VWC2L: variants seen among roughly 807,000 people sequenced by gnomAD.
The protein encoded by VWC2L is von Willebrand factor C domain-containing protein 2-like.
VWC2L carries 10 observed loss-of-function variants against 21.6 expected under a neutral mutation model. The ratio of observed to expected loss-of-function variants is 0.46; its 90% CI spans 0.29 to 0.78. The LOEUF (loss-of-function observed/expected upper bound fraction) is 0.78, where lower values mean the gene tolerates loss of function less well. Ranked by LOEUF, VWC2L falls within the 30% of genes least tolerant of loss-of-function variation. The pLI is 0.10. For missense variants in VWC2L, 209 were observed against 277.1 expected (o/e 0.75, Z 1.74); for synonymous variants, 96 against 94.3 (o/e 1.02, Z -0.10).
At chr2:214,566,980 C>CAA (rs1042679540) in intron 3 of VWC2L, among the ~76,000 whole-genome samples, 1 of 152,166 alleles carries the variant, frequency 6.6e-6, no homozygotes, top group Non-Finnish European at 1.5e-5. Context: ...CTAAGGCCTA[C>CAA]AAGCCTACTA....
At chr2:214,421,244 ATAAT>A (rs1225828497) in intron 2 of VWC2L, among the ~76,000 whole-genome samples, 2 of 152,188 alleles carry the variant, frequency 1.3e-5, no homozygotes, top group African/African-American at 4.8e-5. Context: ...AATTGCATTG[ATAAT>A]TGAGTGTTAT....
chr2:214,414,675 T>C, intron 2 of VWC2L, 92 bp downstream of exon 2: 3 of 1,372,722 alleles, frequency 2.2e-6, no homozygotes, highest in African/African-American at 1.5e-5. Context: ...TGGAAAAATG[T>C]ACTTTAAAAT....
intron 3 of VWC2L, among the ~76,000 whole-genome samples, chr2:214,521,632 C>T (rs1689242523): frequency 1.3e-5 from 2 of 152,218 alleles, no homozygotes; most frequent in Admixed American, 1.3e-4. Flanking sequence ...CATTCCCTAC[C>T]TCAGGGAGGT....
Position 214,449,862 on chromosome 2 carries a change from G to A in VWC2L, c.520+13104G>A, listed in dbSNP as rs181501421. 8.5e-4 allele frequency among the ~76,000 whole-genome samples: 129 copies of A among 152,260 alleles called. 2 individuals carry two copies. The East Asian group carries it at 0.019, about 22-fold the overall frequency. On this transcript the variant is annotated intron_variant, in intron 3 of 3. Transcript: ENST00000312504. ...TCAGGGTGGATAACTAGCCAGCCCCGAGTCTTTCCTTCCTTTTACCCATTA... is the reference window on the plus strand; with the variant it reads ...TCAGGGTGGATAACTAGCCAGCCCCAAGTCTTTCCTTCCTTTTACCCATTA...
chr2:214,441,885 T>TA (rs1386026041), intron 3 of VWC2L, among the ~76,000 whole-genome samples: 1 of 151,382 alleles, frequency 6.6e-6, no homozygotes, highest in East Asian at 1.9e-4. Context: ...TATCTTATAA[T>TA]AAAATAAGAT....
chr2:214,564,608 G>A lies in VWC2L; in HGVS notation c.521-11064G>A, dbSNP rs149318528. 5.6e-3 allele frequency among the ~76,000 whole-genome samples: 854 copies of A among 152,248 alleles called. 9 individuals are homozygous for A. The highest frequency in any genetic ancestry group is 0.02 in the African/African-American group (813 of 41,530). On this transcript the variant is annotated intron_variant, in intron 3 of 3. Transcript: ENST00000312504. ...TGTCAAAGAAACGGGGAGTATTGAA[G>A]GCTTTGTTTGGCCTTCCTGTGACTT...
intron 2 of VWC2L, among the ~76,000 whole-genome samples, chr2:214,433,188 T>C (rs532198893): frequency 1.8e-4 from 27 of 146,414 alleles, no homozygotes; most frequent in Non-Finnish European, 3.7e-4. Context: ...ATATATTATA[T>C]ATAAATATAT....
intron 3 of VWC2L, among the ~76,000 whole-genome samples, chr2:214,562,784 T>C (rs1311590064): frequency 6.6e-6 from 1 of 152,224 alleles, no homozygotes; most frequent in Non-Finnish European, 1.5e-5. Flanking sequence ...GAAGTGTCTG[T>C]TCACGTCCTT....
At chr2:214,528,616 C>G (rs1358291974) in intron 3 of VWC2L, among the ~76,000 whole-genome samples, 4 of 151,754 alleles carry the variant, frequency 2.6e-5, no homozygotes, top group Admixed American at 6.6e-5. Flanking sequence ...GTCTGCTTCA[C>G]AGAGGGAACC....
chr2:214,522,374 C>CAAAAAAA (rs5838440), intron 3 of VWC2L, among the ~76,000 whole-genome samples: 1 of 102,972 alleles, frequency 9.7e-6, no homozygotes, highest in Non-Finnish European at 1.8e-5. Context: ...GACCCCGTCT[C>CAAAAAAA]AAAAAAAAAA....
chr2:214,416,334 G>A (rs930860850), intron 2 of VWC2L, among the ~76,000 whole-genome samples: 9 of 151,936 alleles, frequency 5.9e-5, no homozygotes, highest in Non-Finnish European at 1.2e-4. Flanking sequence ...AATAATTTCT[G>A]TACCCCTTCT....
At position 214,477,226 on chromosome 2, in the gene VWC2L, T is replaced by A. The variant is rs1320334889; in HGVS notation, c.520+40468T>A. Reference sequence around the variant, plus strand: ...AACACTTCACTCCCTGATAGGGCTGTGAGCTGAGTTCTTACTATCCTATAG... The same window carrying A: ...AACACTTCACTCCCTGATAGGGCTGAGAGCTGAGTTCTTACTATCCTATAG... On this transcript the variant is annotated intron_variant, in intron 3 of 3. Coordinates refer to ENST00000312504, the MANE Select transcript of VWC2L (RefSeq NM_001080500.4). 3.9e-5 allele frequency among the ~76,000 whole-genome samples: 6 copies of A among 152,332 alleles called. No homozygotes were observed. In the East Asian group the frequency reaches 1.2e-3, roughly 29 times the overall value.
intron 3 of VWC2L, among the ~76,000 whole-genome samples, chr2:214,562,134 C>T (rs903014130): frequency 1.3e-5 from 2 of 151,988 alleles, no homozygotes; most frequent in Non-Finnish European, 1.5e-5. Context: ...GCTATTTTTT[C>T]TGATGCTCTC....
At chr2:214,499,579 C>T (rs912838993) in intron 3 of VWC2L, among the ~76,000 whole-genome samples, 5 of 151,866 alleles carry the variant, frequency 3.3e-5, no homozygotes, top group African/African-American at 1.2e-4. Flanking sequence ...GTGCAGCACA[C>T]CAACAAGGCA....
At chr2:214,462,826 T>G (rs1703161843) in intron 3 of VWC2L, among the ~76,000 whole-genome samples, 1 of 152,218 alleles carries the variant, frequency 6.6e-6, no homozygotes, top group Non-Finnish European at 1.5e-5. Context: ...CTGCAAATTT[T>G]GATAGGTTGA....
At chr2:214,459,092 T>G (rs529637725) in intron 3 of VWC2L, among the ~76,000 whole-genome samples, 2 of 152,318 alleles carry the variant, frequency 1.3e-5, no homozygotes, top group South Asian at 2.1e-4. Context: ...ATCTGGATAC[T>G]CTGGTGTTGG....
Position 214,556,618 on chromosome 2 carries a change from G to A in VWC2L, c.521-19054G>A, listed in dbSNP as rs376946575. ...GTTGGGTGCCACAGCCAGAGTAGGA[G>A]TTAGGTAACAGAGCTCGGTAATGTT... On this transcript the variant is annotated intron_variant, in intron 3 of 3. Coordinates refer to ENST00000312504, the MANE Select transcript of VWC2L (RefSeq NM_001080500.4). 1.6e-4 allele frequency among the ~76,000 whole-genome samples: 24 copies of A among 152,294 alleles called. 1 individual carries two copies. Among genetic ancestry groups the A allele is most frequent in the African/African-American group, 5.8e-4 (24 of 41,562 alleles).
intron 3 of VWC2L, among the ~76,000 whole-genome samples, chr2:214,517,904 C>T (rs1360543430): frequency 1.3e-5 from 2 of 152,166 alleles, no homozygotes; most frequent in Admixed American, 6.5e-5. Context: ...TGGTGGCTCA[C>T]GCCTGTAATA....
intron 3 of VWC2L, among the ~76,000 whole-genome samples, chr2:214,507,326 T>A (rs550876211): frequency 6.6e-6 from 1 of 152,218 alleles, no homozygotes; most frequent in African/African-American, 2.4e-5. Context: ...TCTGAAGTCC[T>A]TTATATTTTA....
Sources: gnomAD v4.1 joint callset for allele counts (sites outside exome capture counted in the v4.1 genomes callset) on GRCh38, gnomAD v4.1.1 for gene constraint, MANE v1.5 for transcripts, NCBI Gene and HGNC (gene_info 2026-07-23, HGNC 2026-07-21) for gene names.